Variants in NEGR1 observed in about 807,000 individuals in gnomAD.
NEGR1 encodes neuronal growth regulator 1.
In NEGR1, 10 loss-of-function variants were observed where a neutral mutation model predicts 40.9. That is an observed-to-expected ratio of 0.24 (90% confidence interval 0.15 to 0.42). The LOEUF (loss-of-function observed/expected upper bound fraction) is 0.42. Among genes scored for constraint, NEGR1 ranks in the 10% least tolerant of loss-of-function variants. The probability of loss-of-function intolerance (pLI) is 1.00; values close to 1 mark genes in which losing one functional copy is unlikely to be tolerated. For missense variants in NEGR1, 352 were observed against 438.9 expected (o/e 0.80, Z 1.77); for synonymous variants, 185 against 166.8 (o/e 1.11, Z -0.84).
intron 3 of NEGR1, among the ~76,000 whole-genome samples, chr1:71,714,121 A>G (rs951047317): frequency 2.0e-5 from 3 of 152,300 alleles, no homozygotes; most frequent in Non-Finnish European, 2.9e-5. Flanking sequence ...ACTTACAATC[A>G]TTGCAGAAGG....
chr1:71,897,923 A>C (rs1204466576), intron 2 of NEGR1, among the ~76,000 whole-genome samples: 1 of 152,152 alleles, frequency 6.6e-6, no homozygotes, highest in African/African-American at 2.4e-5. Context: ...TCAGAAGAAA[A>C]TTATTTCCAA....
chr1:71,691,746 C>A (rs556833175), intron 4 of NEGR1, among the ~76,000 whole-genome samples: 2 of 151,734 alleles, frequency 1.3e-5, no homozygotes, highest in East Asian at 3.9e-4. Context: ...GCTTAACCTT[C>A]TTTTCTGTTT....
intron 1 of NEGR1, among the ~76,000 whole-genome samples, chr1:72,224,656 T>C (rs1268927358): frequency 6.6e-6 from 1 of 152,058 alleles, no homozygotes; most frequent in African/African-American, 2.4e-5. Context: ...TTGCAGAGTC[T>C]GGATTTTAAA....
chr1:71,876,861 A>T (rs1166380653), intron 2 of NEGR1, among the ~76,000 whole-genome samples: 1 of 152,114 alleles, frequency 6.6e-6, no homozygotes, highest in Non-Finnish European at 1.5e-5. Flanking sequence ...ATTAGGAAGG[A>T]TGAGTGATCG....
At chr1:71,628,711 A>G (rs568820246) in intron 4 of NEGR1, among the ~76,000 whole-genome samples, 1 of 152,102 alleles carries the variant, frequency 6.6e-6, no homozygotes, top group Admixed American at 6.6e-5. Flanking sequence ...GATGGTTTCC[A>G]GCTTCATCCC....
intron 6 of NEGR1, among the ~76,000 whole-genome samples, chr1:71,491,141 A>G (rs938784827): frequency 2.0e-5 from 3 of 152,040 alleles, no homozygotes; most frequent in African/African-American, 4.8e-5. Flanking sequence ...TGTACTAAAC[A>G]TGTAGACATT....
intron 1 of NEGR1, among the ~76,000 whole-genome samples, chr1:72,046,505 A>G (rs1322208475): frequency 6.6e-6 from 1 of 151,688 alleles, no homozygotes; most frequent in Non-Finnish European, 1.5e-5. Flanking sequence ...CTTCATGATT[A>G]TAGCCAGATA....
intron 6 of NEGR1, among the ~76,000 whole-genome samples, chr1:71,493,988 T>G (rs1412523262): frequency 6.6e-6 from 1 of 152,218 alleles, no homozygotes; most frequent in Non-Finnish European, 1.5e-5. Context: ...TGAAGTGACT[T>G]ATCTTTACCT....
chr1:71,999,652 T>TATATATATATATAC (rs1646538056), intron 1 of NEGR1, among the ~76,000 whole-genome samples: 2 of 43,888 alleles, frequency 4.6e-5, no homozygotes, highest in Admixed American at 5.0e-4. Context: ...TATATATATA[T>TATATATATATATAC]ATATATATAT....
intron 1 of NEGR1, among the ~76,000 whole-genome samples, chr1:72,062,608 A>G (rs955573145): frequency 5.9e-5 from 9 of 151,954 alleles, no homozygotes; most frequent in African/African-American, 2.2e-4. Flanking sequence ...GACCAAAATG[A>G]TGAATTCCCA....
intron 1 of NEGR1, among the ~76,000 whole-genome samples, chr1:72,026,126 A>AG (rs1646807009): frequency 6.8e-6 from 1 of 147,886 alleles, no homozygotes; most frequent in South Asian, 2.1e-4. Context: ...AAAAAAAAAA[A>AG]AAAAAAAAAA....
chr1:71,556,614 T>C (rs575146794), intron 6 of NEGR1, among the ~76,000 whole-genome samples: 6 of 149,992 alleles, frequency 4.0e-5, no homozygotes, highest in Non-Finnish European at 8.9e-5. Context: ...AAATGGGTTT[T>C]TATCTATTTT....
chr1:72,232,207 A>G (rs934378154), intron 1 of NEGR1, among the ~76,000 whole-genome samples: 3 of 151,976 alleles, frequency 2.0e-5, no homozygotes, highest in African/African-American at 7.3e-5. Flanking sequence ...TACAAAAAAA[A>G]TTATCTGGGC....
At chr1:71,836,719 C>T (rs1380691069) in intron 2 of NEGR1, among the ~76,000 whole-genome samples, 1 of 152,018 alleles carries the variant, frequency 6.6e-6, no homozygotes, top group Non-Finnish European at 1.5e-5. Flanking sequence ...GTATGCAGTA[C>T]TCCTTGCTAT....
intron 6 of NEGR1, among the ~76,000 whole-genome samples, chr1:71,470,341 C>T (rs188632920): frequency 2.0e-4 from 31 of 152,094 alleles, no homozygotes; most frequent in African/African-American, 7.2e-4. Flanking sequence ...AAGGAGTGGT[C>T]ATTGATAATA....
At chr1:71,877,952 AACTTCATTTAG>A (rs1158636963) in intron 2 of NEGR1, among the ~76,000 whole-genome samples, 2 of 152,136 alleles carry the variant, frequency 1.3e-5, no homozygotes, top group African/African-American at 4.8e-5. Context: ...TCATGGCCTG[AACTTCATTTAG>A]ACTTCATTTA....
intron 3 of NEGR1, among the ~76,000 whole-genome samples, chr1:71,735,848 T>G (rs1199468194): frequency 6.6e-6 from 1 of 151,990 alleles, no homozygotes; most frequent in Non-Finnish European, 1.5e-5. Context: ...ATCAGGTGCT[T>G]AAAGGAATTT....
At chr1:71,595,442 G>T (rs375161863) in intron 5 of NEGR1, among the ~76,000 whole-genome samples, 1 of 152,210 alleles carries the variant, frequency 6.6e-6, no homozygotes, top group Admixed American at 6.5e-5. Context: ...CTGGTAGATG[G>T]CTGGAAGAAG....
At chr1:71,650,537 A>G (rs1204537857) in intron 4 of NEGR1, among the ~76,000 whole-genome samples, 3 of 152,214 alleles carry the variant, frequency 2.0e-5, no homozygotes, top group African/African-American at 7.2e-5. Context: ...GTCTTATTAT[A>G]AACAAACGCT....
Sources: gnomAD v4.1 joint callset for allele counts (sites outside exome capture counted in the v4.1 genomes callset) on GRCh38, gnomAD v4.1.1 for gene constraint, MANE v1.5 for transcripts, NCBI Gene and HGNC (gene_info 2026-07-23, HGNC 2026-07-21) for gene names.